The following CECR2 variants were observed in gnomAD, a reference collection of about 807,000 sequenced individuals.
CECR2 encodes the protein CECR2 histone acetyl-lysine reader.
In CECR2, 30 loss-of-function variants were observed where a neutral mutation model predicts 154.5. That is an observed-to-expected ratio of 0.19 (90% confidence interval 0.15 to 0.26). The LOEUF (loss-of-function observed/expected upper bound fraction) is 0.26, where lower values mean the gene tolerates loss of function less well. CECR2 is among the 10% of genes least tolerant of loss of function. CECR2 has a pLI of 1.00. For synonymous variants in CECR2, 725 were observed against 683.7 expected, an observed-to-expected ratio of 1.06 and a Z score of -0.94; for missense variants, 1,743 against 1,829.3, an observed-to-expected ratio of 0.95 and a Z score of 0.86.
chr22:17,536,144 A>C (rs1352498569), intron 9 of CECR2, among the ~76,000 whole-genome samples: 3 of 152,278 alleles, frequency 2.0e-5, no homozygotes, highest in Admixed American at 6.5e-5. Context: ...GCTACTCGGG[A>C]GGCTGAGGCA....
At chr22:17,453,630 A>G (rs770355011) in intron 1 of CECR2, among the ~76,000 whole-genome samples, 1 of 152,192 alleles carries the variant, frequency 6.6e-6, no homozygotes, top group Non-Finnish European at 1.5e-5. Flanking sequence ...AGGATACATC[A>G]ACCCTAAATT....
At position 17,446,737 on chromosome 22, in the gene CECR2, G is replaced by C. The variant is rs148143765; in HGVS notation, c.127-30851G>C. Among the ~76,000 whole-genome samples, 1,145 of 135,960 alleles carry C rather than the reference G, an allele frequency of 8.4e-3. 6 individuals carry two copies. Among genetic ancestry groups the C allele is most frequent in the Middle Eastern group, 0.044 (12 of 272 alleles). The allele number at this position is 135,960 out of a possible 152,430, so 89.2% of individuals were successfully genotyped here. ...TCTCAAAAACAAAACAAAACAAAAA[G>C]GTGGTGCAGACACAAAAGAGTGAGC... On this transcript the variant is annotated intron_variant, in intron 1 of 18. Coordinates refer to ENST00000262608, the MANE Select transcript of CECR2 (RefSeq NM_001290047.2).
Position 17,554,318 on chromosome 22 carries a change from G to T in CECR2, c.*1478G>T, listed in dbSNP as rs562136618. 6.6e-6 allele frequency: 1 copy of T among 152,262 alleles called. No individual in the cohort carries two copies. The highest frequency in any genetic ancestry group is 1.5e-5 in the Non-Finnish European group (1 of 68,010). The allele number at this position is 152,262 out of a possible 1,614,324, so 9.4% of individuals were successfully genotyped here. A position where few individuals can be genotyped will look rare whatever the true frequency, so the allele number is the denominator to read the frequency against. On this transcript the variant is annotated 3_prime_UTR_variant, in exon 19 of 19. Transcript: ENST00000262608. ...ATAGCATATTTTTAAGCATGCTTTT[G>T]GGATAGTAGAAGAGTCTCTATGAAA...
At chr22:17,395,818 G>A (rs1055313047) in intron 1 of CECR2, among the ~76,000 whole-genome samples, 4 of 151,984 alleles carry the variant, frequency 2.6e-5, no homozygotes, top group Non-Finnish European at 5.9e-5. Context: ...TTATTTTGTT[G>A]TAAAAGGGTA....
intron 1 of CECR2, among the ~76,000 whole-genome samples, chr22:17,375,240 A>G (rs1214237634): frequency 2.6e-5 from 4 of 151,928 alleles, no homozygotes; most frequent in East Asian, 3.9e-4. Flanking sequence ...CAGCCTCCCA[A>G]GTAGCTGGGA....
chr22:17,505,730 G>A (rs1262318747), intron 7 of CECR2, among the ~76,000 whole-genome samples: 1 of 150,194 alleles, frequency 6.7e-6, no homozygotes, highest in African/African-American at 2.5e-5. Context: ...TAGAGACAGG[G>A]TTTCACCATT....
At chr22:17,414,442 TCA>T (rs1451614086) in intron 1 of CECR2, among the ~76,000 whole-genome samples, 2 of 149,976 alleles carry the variant, frequency 1.3e-5, no homozygotes, top group East Asian at 2.0e-4. Context: ...ATTTTCTCAC[TCA>T]GTTTCTTTTT....
chr22:17,361,325 A>G lies in CECR2; in HGVS notation c.-364+1302A>G, dbSNP rs1345546915. 3.3e-5 allele frequency among the ~76,000 whole-genome samples: 5 copies of G among 152,278 alleles called. 1 individual carries two copies. Among genetic ancestry groups the G allele is most frequent in the Admixed American group, 3.3e-4 (5 of 15,298 alleles). On this transcript the variant is annotated intron_variant, in intron 1 of 18. Transcript: ENST00000400585. ...AACATGGCAAAACCCCATCTCTGCT[A>G]AAAATACAAAAATTAGCCGGGCTGG...
chr22:17,536,883 TGTGA>T (rs1666886019), intron 9 of CECR2, among the ~76,000 whole-genome samples: 1 of 152,046 alleles, frequency 6.6e-6, no homozygotes, highest in Non-Finnish European at 1.5e-5. Flanking sequence ...TTGAGCTCAG[TGTGA>T]GTGAGGAAAC....
At chr22:17,532,316 T>G (rs1296787) in intron 9 of CECR2, among the ~76,000 whole-genome samples, 31,789 of 152,170 alleles carry the variant, frequency 0.21, 3,481 homozygotes, top group African/African-American at 0.24. Flanking sequence ...CAAAATCTAG[T>G]TATTGACAGG....
intron 1 of CECR2, among the ~76,000 whole-genome samples, chr22:17,381,095 G>A (rs747896349): frequency 4.0e-5 from 6 of 151,696 alleles, no homozygotes; most frequent in Non-Finnish European, 7.4e-5. Flanking sequence ...TGTTGTACAC[G>A]GGGGTGGGCG....
Position 17,392,548 on chromosome 22 carries a change from A to C in CECR2, c.126+22639A>C, listed in dbSNP as rs114820197. Among the ~76,000 whole-genome samples, 716 of 152,204 alleles carry C rather than the reference A, an allele frequency of 4.7e-3. 7 individuals are homozygous for C. Among genetic ancestry groups the C allele is most frequent in the African/African-American group, 0.016 (655 of 41,534 alleles). On this transcript the variant is annotated intron_variant, in intron 1 of 18. Coordinates refer to ENST00000262608, the MANE Select transcript of CECR2 (RefSeq NM_001290047.2). ...GTGTTGCATACCTGTAGTCTCAGCT[A>C]CTTGGGAAGCTGGGCTGGGAAGATT...
In CECR2 at chr22:17,542,968, A is replaced by C; in HGVS notation, c.2825A>C (p.Glu942Ala). Residue 942 changes from glutamate to alanine, a missense_variant, in exon 16 of 19, where the codon GAG (glutamate) becomes GCG (alanine). Transcript: ENST00000262608. Reference sequence around the variant, plus strand: ...CTGGGCAACCCTGGGAGGGCACCGGAGAACAGTGAAGCACAAGAGCCTGAG... The same window carrying C: ...CTGGGCAACCCTGGGAGGGCACCGGCGAACAGTGAAGCACAAGAGCCTGAG... The part of the protein sequence containing the change: ...PALGNPGRAP[E>A]NSEAQEPEND... The C allele has an allele frequency of 1.2e-6, 2 of 1,612,616 alleles. No homozygotes were observed. The highest frequency in any genetic ancestry group is 1.7e-6 in the Non-Finnish European group (2 of 1,179,110).
At chr22:17,386,045 G>C (rs1225178769) in intron 1 of CECR2, among the ~76,000 whole-genome samples, 2 of 152,194 alleles carry the variant, frequency 1.3e-5, no homozygotes, top group Non-Finnish European at 2.9e-5. Context: ...GGGGCTCCTG[G>C]CAGGCCAGGC....
At chr22:17,400,549 T>G (rs1480228933) in intron 1 of CECR2, among the ~76,000 whole-genome samples, 1 of 152,206 alleles carries the variant, frequency 6.6e-6, no homozygotes, top group Non-Finnish European at 1.5e-5. Context: ...AGTCTTTGTT[T>G]TATGGCGGAG....
At chr22:17,473,276 G>C (rs766261216) in intron 1 of CECR2, among the ~76,000 whole-genome samples, 13 of 152,136 alleles carry the variant, frequency 8.5e-5, no homozygotes, top group Non-Finnish European at 1.6e-4. Flanking sequence ...GCAAAGTTCA[G>C]ATTTCTGTGC....
At chr22:17,387,768 T>C (rs1440622279) in intron 1 of CECR2, among the ~76,000 whole-genome samples, 1 of 152,226 alleles carries the variant, frequency 6.6e-6, no homozygotes, top group South Asian at 2.1e-4. Flanking sequence ...TGCAGAATAC[T>C]CATCGGGTAG....
chr22:17,404,364 C>T lies in CECR2; in HGVS notation c.126+34455C>T, dbSNP rs2053945904. Among the ~76,000 whole-genome samples the T allele has an allele frequency of 1.4e-3, 82 of 59,570 alleles. 1 individual carries two copies. The highest frequency in any genetic ancestry group is 2.0e-3 in the South Asian group (4 of 2,004). 39.1% of individuals were successfully genotyped at this position (59,570 alleles called of 152,430 possible). Reference sequence around the variant, plus strand: ...TGTGGGTTCATTTCTGGACCCTGTTCTTTCTTTTTTTTTTTTTTTTTTTTT... The same window carrying T: ...TGTGGGTTCATTTCTGGACCCTGTTTTTTCTTTTTTTTTTTTTTTTTTTTT... On this transcript the variant is annotated intron_variant, in intron 1 of 18. Transcript: ENST00000262608.
At chr22:17,451,411 T>G (rs1284416378) in intron 1 of CECR2, among the ~76,000 whole-genome samples, 6 of 152,210 alleles carry the variant, frequency 3.9e-5, no homozygotes, top group African/African-American at 1.4e-4. Flanking sequence ...TACCTACTTG[T>G]GGCTATGGCA....
Sources: gnomAD v4.1 joint callset for allele counts (sites outside exome capture counted in the v4.1 genomes callset) on GRCh38, gnomAD v4.1.1 for gene constraint, MANE v1.5 for transcripts, NCBI Gene and HGNC (gene_info 2026-07-23, HGNC 2026-07-21) for gene names.